The following SLC39A8 variants were observed in gnomAD, a reference collection of about 807,000 sequenced individuals.
SLC39A8 encodes metal cation symporter ZIP8.
Under a neutral mutation model 40.4 loss-of-function variants are expected in SLC39A8, and 15 were observed. That is an observed-to-expected ratio of 0.37 (90% CI 0.25 to 0.57). The LOEUF is 0.57. Ranked by LOEUF, SLC39A8 falls within the 20% of genes least tolerant of loss-of-function variation. The pLI is 0.75. For synonymous variants in SLC39A8, 223 were observed against 221.6 expected (o/e 1.01, Z -0.06); for missense variants, 472 against 558.8 (o/e 0.84, Z 1.57).
At chr4:102,325,002 C>A (rs1735133523) in intron 2 of SLC39A8, among the ~76,000 whole-genome samples, 1 of 152,018 alleles carries the variant, frequency 6.6e-6, no homozygotes, top group South Asian at 2.1e-4. Flanking sequence ...GTTCTTCCTG[C>A]AATAATGAAA....
At chr4:102,304,147 T>C (rs932301649) in intron 6 of SLC39A8, among the ~76,000 whole-genome samples, 170 bp downstream of exon 6, 2 of 151,948 alleles carry the variant, frequency 1.3e-5, no homozygotes, top group Middle Eastern at 3.4e-3. Context: ...AGTAAACATA[T>C]ACAGGGAAGG....
At position 102,344,711 on chromosome 4, in the gene SLC39A8, G is replaced by A. The variant is rs1451939900; in HGVS notation, c.-49C>T. 7.2e-7 allele frequency: 1 copy of A among 1,382,624 alleles called. No homozygotes were observed. Among genetic ancestry groups the A allele is most frequent in the East Asian group, 3.0e-5 (1 of 33,324 alleles). The allele number at this position is 1,382,624 out of a possible 1,614,324, so 85.6% of individuals were successfully genotyped here. A position where few individuals can be genotyped will look rare whatever the true frequency, so the allele number is the denominator to read the frequency against. ...GGCCCGCGACGGGCTGCCGCGCAGA[G>A]GGACGCGCGCGGGCGCACTGGCGTC... On this transcript the variant is annotated 5_prime_UTR_variant, in exon 2 of 9. Transcript: ENST00000356736.
At chr4:102,304,560 T>C (rs1734066439) in intron 5 of SLC39A8, 79 bp from the exon 6 acceptor site, 2 of 1,184,660 alleles carry the variant, frequency 1.7e-6, no homozygotes, top group Admixed American at 4.9e-5. Context: ...AGTTTACTGC[T>C]TTTTATTTAT....
downstream of SLC39A8, among the ~76,000 whole-genome samples, chr4:102,260,789 A>G (rs1471532001): frequency 6.6e-6 from 1 of 152,248 alleles, no homozygotes; most frequent in African/African-American, 2.4e-5. Context: ...TTTCATTTTC[A>G]GGCAAGTATA....
intron 6 of SLC39A8, among the ~76,000 whole-genome samples, chr4:102,284,005 T>A (rs1733034952): frequency 6.6e-6 from 1 of 152,224 alleles, no homozygotes; most frequent in South Asian, 2.1e-4. Flanking sequence ...AAATGTGTTC[T>A]CCTTGAGGAA....
intron 6 of SLC39A8, among the ~76,000 whole-genome samples, chr4:102,271,102 T>G (rs1732345148): frequency 6.7e-6 from 1 of 149,216 alleles, no homozygotes; most frequent in East Asian, 2.0e-4. Context: ...GAAGGATGAT[T>G]AGGAGGAGGA....
chr4:102,262,931 C>T lies in SLC39A8; in HGVS notation c.*113G>A, dbSNP rs904056533. ...GCCAATAATTAGTTTTCTGGACCTA[C>T]AGTTGAAAGCAAAATTATCTTTTTA... On this transcript the variant is annotated 3_prime_UTR_variant, in exon 9 of 9. Transcript: ENST00000356736. The T allele has an allele frequency of 3.3e-5, 47 of 1,434,870 alleles. No homozygotes were observed. Among genetic ancestry groups the T allele is most frequent in the South Asian group, 4.7e-5 (3 of 64,078 alleles). The allele number at this position is 1,434,870 out of a possible 1,614,324, so 88.9% of individuals were successfully genotyped here.
intron 2 of SLC39A8, among the ~76,000 whole-genome samples, chr4:102,333,142 T>G (rs900528840): frequency 2.6e-5 from 4 of 152,148 alleles, no homozygotes; most frequent in African/African-American, 9.7e-5. Context: ...TCTGCACATG[T>G]ATCCCAGAAC....
intron 3 of SLC39A8, among the ~76,000 whole-genome samples, chr4:102,315,201 T>C (rs1734603238): frequency 6.6e-6 from 1 of 152,174 alleles, no homozygotes; most frequent in Admixed American, 6.6e-5. Flanking sequence ...GTATTTTCTT[T>C]CACCTATGAA....
chr4:102,330,991 C>T (rs765537599), intron 2 of SLC39A8, among the ~76,000 whole-genome samples: 7 of 152,186 alleles, frequency 4.6e-5, no homozygotes, highest in Non-Finnish European at 1.0e-4. Flanking sequence ...ATGCTAAAAA[C>T]GCTCAATAAA....
chr4:102,321,299 C>T (rs758537334), intron 2 of SLC39A8, among the ~76,000 whole-genome samples: 1 of 152,152 alleles, frequency 6.6e-6, no homozygotes, highest in African/African-American at 2.4e-5. Flanking sequence ...AAAGAGGATG[C>T]TGCTACTGCT....
intron 2 of SLC39A8, among the ~76,000 whole-genome samples, chr4:102,317,610 A>G (rs746041956): frequency 6.6e-6 from 1 of 152,208 alleles, no homozygotes; most frequent in Non-Finnish European, 1.5e-5. Flanking sequence ...GCTAGATTCA[A>G]AAAGTAGACA....
intron 6 of SLC39A8, among the ~76,000 whole-genome samples, chr4:102,279,320 A>T (rs1195309426): frequency 6.6e-6 from 1 of 152,074 alleles, no homozygotes; most frequent in African/African-American, 2.4e-5. Flanking sequence ...CCCTGAACCA[A>T]CAGAGATGAG....
chr4:102,296,495 C>CAATG (rs1733682359), intron 6 of SLC39A8, among the ~76,000 whole-genome samples: 1 of 152,004 alleles, frequency 6.6e-6, no homozygotes, highest in South Asian at 2.1e-4. Context: ...CACAAGTGTA[C>CAATG]AATGTATTAG....
At chr4:102,263,962 G>A (rs898432571) in intron 8 of SLC39A8, among the ~76,000 whole-genome samples, 3 of 152,090 alleles carry the variant, frequency 2.0e-5, no homozygotes, top group Non-Finnish European at 2.9e-5. Flanking sequence ...CACTACCTCT[G>A]CAGTTACTTC....
At position 102,315,752 on chromosome 4, in the gene SLC39A8, T is replaced by A; in HGVS notation, c.298A>T (p.Ile100Phe). 6.2e-7 allele frequency: 1 copy of A among 1,613,406 alleles called. No homozygotes were observed. The highest frequency in any genetic ancestry group is 8.5e-7 in the Non-Finnish European group (1 of 1,179,590). The change falls in exon 3 of 9, where the codon ATC becomes TTC. Residue 100 changes from isoleucine (I) to phenylalanine (F), a missense_variant. Coordinates refer to ENST00000356736, the MANE Select transcript of SLC39A8 (RefSeq NM_001135146.2). The stretch of plus-strand genomic sequence containing the variant: ...AATTGCTGTAAGACTGCTGGACAGA[T>A]GACAGAGAATTTGGAGCTGGTTATT... ...TQITSSKFSVICPAVLQQLNF... is the reference protein window; with the variant it reads ...TQITSSKFSVFCPAVLQQLNF...
Position 102,268,142 on chromosome 4 carries a change from G to A in SLC39A8, c.841-63C>T, listed in dbSNP as rs149726421. On this transcript the variant is annotated intron_variant, in intron 6 of 8. Transcript: ENST00000356736. ...TTGAAAGTCTCAGAAATACAGACAA[G>A]TTGGAGATGGGTTGTGCTTGAGAAA... 791 of 1,551,902 alleles carry A rather than the reference G, an allele frequency of 5.1e-4. 1 individual carries two copies. The African/African-American group carries it at 9.4e-3, about 18-fold the overall frequency.
chr4:102,328,953 G>A (rs1402844214), intron 2 of SLC39A8, among the ~76,000 whole-genome samples: 1 of 151,874 alleles, frequency 6.6e-6, no homozygotes, highest in African/African-American at 2.4e-5. Context: ...GTGTGAACCC[G>A]GGAGGCGGAG....
chr4:102,343,294 C>T (rs572261891), intron 2 of SLC39A8, among the ~76,000 whole-genome samples: 2 of 152,242 alleles, frequency 1.3e-5, no homozygotes, highest in South Asian at 2.1e-4. Context: ...GATCAATCTA[C>T]GTATAATGTT....
Sources: allele counts gnomAD v4.1 joint callset (sites outside exome capture counted in the v4.1 genomes callset), GRCh38; gene constraint gnomAD v4.1.1; transcripts MANE v1.5; gene names NCBI Gene and HGNC (gene_info 2026-07-23, HGNC 2026-07-21).